NUGGC: variants seen among roughly 807,000 people sequenced by gnomAD.
NUGGC encodes the protein nuclear GTPase SLIP-GC.
A neutral mutation model predicts 92.6 loss-of-function variants in NUGGC; 58 were observed. That is an observed-to-expected ratio of 0.63 (90% CI 0.51 to 0.78). The LOEUF (loss-of-function observed/expected upper bound fraction) is 0.78, where lower values mean the gene tolerates loss of function less well. NUGGC is among the 30% of genes least tolerant of loss of function. NUGGC has a pLI of 0.00. For synonymous variants in NUGGC, 376 were observed against 366.4 expected, an observed-to-expected ratio of 1.03 and a Z score of -0.30; for missense variants, 925 against 964.6, an observed-to-expected ratio of 0.96 and a Z score of 0.54.
chr8:28,055,046 G>T (rs1464496992), intron 10 of NUGGC, among the ~76,000 whole-genome samples: 1 of 151,344 alleles, frequency 6.6e-6, no homozygotes, highest in Non-Finnish European at 1.5e-5. Context: ...AATTAACCAG[G>T]CATGGTGACC....
intron 6 of NUGGC, among the ~76,000 whole-genome samples, chr8:28,066,162 G>A (rs750884744): frequency 7.2e-5 from 11 of 152,200 alleles, no homozygotes; most frequent in Admixed American, 2.6e-4. Flanking sequence ...TGTAAGTTGC[G>A]TGTATTCAGA....
At chr8:28,023,959 T>C (rs1809184678) in intron 18 of NUGGC, among the ~76,000 whole-genome samples, 1 of 152,206 alleles carries the variant, frequency 6.6e-6, no homozygotes, top group African/African-American at 2.4e-5. Flanking sequence ...GGATTAAACG[T>C]GAGTCTGGAT....
At chr8:28,069,181 T>C (rs999342580) in intron 4 of NUGGC, among the ~76,000 whole-genome samples, 3 of 152,184 alleles carry the variant, frequency 2.0e-5, no homozygotes, top group African/African-American at 7.2e-5. Flanking sequence ...ATTGGGGACA[T>C]GAGCTCAGAG....
At chr8:28,051,189 A>G (rs943658819) in intron 10 of NUGGC, among the ~76,000 whole-genome samples, 10 of 152,142 alleles carry the variant, frequency 6.6e-5, no homozygotes, top group African/African-American at 2.4e-4. Context: ...TAGTTGTTCC[A>G]TATCTTGGGG....
intron 11 of NUGGC, among the ~76,000 whole-genome samples, chr8:28,047,030 G>C (rs558647173): frequency 6.6e-6 from 1 of 151,560 alleles, no homozygotes; most frequent in East Asian, 1.9e-4. Flanking sequence ...TAGTGCAATG[G>C]CGCAATCTTG....
At chr8:28,076,553 T>C (rs926710158) in intron 1 of NUGGC, among the ~76,000 whole-genome samples, 2 of 152,198 alleles carry the variant, frequency 1.3e-5, no homozygotes, top group Non-Finnish European at 2.9e-5. Context: ...CACTTCAGCC[T>C]CCCAAAGGGC....
chr8:28,045,654 G>T lies in NUGGC; in HGVS notation c.1319C>A (p.Pro440His). 6.2e-7 allele frequency: 1 copy of T among 1,609,148 alleles called. No homozygotes were observed. Among genetic ancestry groups the T allele is most frequent in the South Asian group, 1.1e-5 (1 of 89,752 alleles). Reference protein sequence around the residue: ...ALLTEEETEIPKLREYIRKSL... With the variant: ...ALLTEEETEIHKLREYIRKSL... ...CTTCCTGATGTATTCTCTTAACTTA[G>T]GGATTTCTGGAATTCACAGGCAGCA... The change falls in exon 12 of 19, where the codon CCT (proline) becomes CAT (histidine). Residue 440 changes from proline (P) to histidine (H), a missense_variant. By Grantham distance (77) the Pro-to-His change is moderately conservative. Transcript: ENST00000413272.
chr8:28,048,664 C>A (rs1001205355), intron 10 of NUGGC, among the ~76,000 whole-genome samples: 2 of 152,026 alleles, frequency 1.3e-5, no homozygotes, highest in African/African-American at 4.8e-5. Flanking sequence ...GAGTTCGAGA[C>A]CAGCCTGGCC....
intron 1 of NUGGC, among the ~76,000 whole-genome samples, 193 bp downstream of exon 1, chr8:28,083,582 T>G (rs61573349): frequency 0.024 from 3,680 of 152,248 alleles, 158 homozygotes; most frequent in African/African-American, 0.085. Context: ...CGTATCAGTA[T>G]CGGTTCATCA....
At chr8:28,029,221 C>G in intron 17 of NUGGC, 45 bp downstream of exon 17, 1 of 1,576,270 alleles carries the variant, frequency 6.3e-7, no homozygotes, top group Non-Finnish European at 8.6e-7. Flanking sequence ...TCTCCTCCCC[C>G]GGAGCCTCTC....
intron 1 of NUGGC, among the ~76,000 whole-genome samples, chr8:28,075,240 C>G (rs1311593717): frequency 6.6e-6 from 1 of 152,104 alleles, no homozygotes; most frequent in Non-Finnish European, 1.5e-5. Context: ...CCTGGACCTT[C>G]CTCACCAAGC....
At chr8:28,058,766 G>A (rs1311704496) in intron 8 of NUGGC, among the ~76,000 whole-genome samples, 8 of 151,422 alleles carry the variant, frequency 5.3e-5, no homozygotes, top group Admixed American at 2.6e-4. Flanking sequence ...GCAGTGGTAC[G>A]ATCTCAGCTC....
chr8:28,032,355 G>A (rs777015375), intron 14 of NUGGC, among the ~76,000 whole-genome samples: 10 of 152,164 alleles, frequency 6.6e-5, no homozygotes, highest in Middle Eastern at 3.2e-3. Flanking sequence ...AAATGCCAGC[G>A]GGAAGGACAG....
intron 15 of NUGGC, 92 bp from the exon 16 acceptor site, chr8:28,030,510 C>T: frequency 1.4e-6 from 1 of 708,752 alleles, no homozygotes. Flanking sequence ...TTCCCTCCAC[C>T]TCCACCTTAT....
At chr8:28,068,479 GT>G in intron 4 of NUGGC, 41 bp from the exon 5 acceptor site, 3 of 1,367,138 alleles carry the variant, frequency 2.2e-6, no homozygotes, top group South Asian at 1.2e-5. Flanking sequence ...GATCATCAAA[GT>G]TTAGAGTGAA....
chr8:28,044,727 G>C (rs1259651753), intron 12 of NUGGC, among the ~76,000 whole-genome samples: 1 of 152,140 alleles, frequency 6.6e-6, no homozygotes, highest in Non-Finnish European at 1.5e-5. Context: ...GGCTTCCTGG[G>C]CTGTTTATTG....
chr8:28,073,543 C>T (rs1158398737), intron 2 of NUGGC, among the ~76,000 whole-genome samples: 2 of 152,134 alleles, frequency 1.3e-5, no homozygotes, highest in Admixed American at 1.3e-4. Context: ...GGATATGATA[C>T]GCCACTGTTT....
chr8:28,045,681 A>T (rs756262904), intron 11 of NUGGC, 21 bp from the exon 12 acceptor site: 74 of 1,604,458 alleles, frequency 4.6e-5, no homozygotes, highest in Non-Finnish European at 5.9e-5. Flanking sequence ...CAGGCAGCAC[A>T]AATAATTGTT....
chr8:28,031,534 C>T (rs1371371812), intron 14 of NUGGC, among the ~76,000 whole-genome samples, 153 bp from the exon 15 acceptor site: 1 of 152,224 alleles, frequency 6.6e-6, no homozygotes, highest in Non-Finnish European at 1.5e-5. Context: ...AGGCACTGTG[C>T]TGTGCCAGAC....
Sources: allele counts gnomAD v4.1 joint callset (sites outside exome capture counted in the v4.1 genomes callset), GRCh38; gene constraint gnomAD v4.1.1; transcripts MANE v1.5; gene names NCBI Gene and HGNC (gene_info 2026-07-23, HGNC 2026-07-21).